Variants in GRB2 observed in about 807,000 individuals in gnomAD.
The protein encoded by GRB2 is growth factor receptor-bound protein 2.
A neutral mutation model predicts 27.4 loss-of-function variants in GRB2; 2 were observed. That is an observed-to-expected ratio of 0.07 (90% CI 0.03 to 0.23). The LOEUF is 0.23. Ranked by LOEUF, GRB2 falls within the 10% of genes least tolerant of loss-of-function variation. The probability of loss-of-function intolerance (pLI) is 1.00; values close to 1 mark genes in which losing one functional copy is unlikely to be tolerated. For missense variants in GRB2, 102 were observed against 282.4 expected, an observed-to-expected ratio of 0.36 and a Z score of 4.58; for synonymous variants, 94 against 99.6, an observed-to-expected ratio of 0.94 and a Z score of 0.33.
chr17:75,401,970 C>G (rs1338572295), intron 1 of GRB2, among the ~76,000 whole-genome samples: 1 of 152,214 alleles, frequency 6.6e-6, no homozygotes, highest in African/African-American at 2.4e-5. Flanking sequence ...GAGCTTCCAT[C>G]TGCATAGGCA....
intron 2 of GRB2, chr17:75,338,926 T>C: frequency 3.1e-6 from 3 of 982,154 alleles, no homozygotes; most frequent in Non-Finnish European, 4.9e-6. Flanking sequence ...GGATTCTCTG[T>C]ATGCCCAGGG....
intron 1 of GRB2, among the ~76,000 whole-genome samples, chr17:75,396,641 G>A (rs1364419047): frequency 6.6e-6 from 1 of 151,678 alleles, no homozygotes; most frequent in Non-Finnish European, 1.5e-5. Flanking sequence ...GCCTGCCTCG[G>A]CCTCCCAAAG....
chr17:75,348,958 G>A (rs1314414113), intron 2 of GRB2, among the ~76,000 whole-genome samples: 2 of 152,312 alleles, frequency 1.3e-5, no homozygotes, highest in South Asian at 2.1e-4. Context: ...TTTCAGGCAT[G>A]AGCCACTGCG....
chr17:75,403,096 AAG>A lies in GRB2; in HGVS notation c.-138+2391_-138+2392del, dbSNP rs1186560098. 3.3e-3 allele frequency among the ~76,000 whole-genome samples: 475 copies of A among 144,104 alleles called. 1 individual carries two copies. Among genetic ancestry groups the A allele is most frequent in the Non-Finnish European group, 5.9e-3 (388 of 66,104 alleles). 94.5% of individuals were successfully genotyped at this position (144,104 alleles called of 152,430 possible). A position where few individuals can be genotyped will look rare whatever the true frequency, so the allele number is the denominator to read the frequency against. On this transcript the variant is annotated intron_variant, in intron 1 of 5. Coordinates refer to ENST00000316804, the MANE Select transcript of GRB2 (RefSeq NM_002086.5). Reference sequence around the variant, plus strand: ...GTCTCAAAAAAAAAAAAAAAGGAAAAAGAAAATAATGCGTATTCACTTGGCAC... The same window carrying A: ...GTCTCAAAAAAAAAAAAAAAGGAAAAAAAATAATGCGTATTCACTTGGCAC...
chr17:75,400,706 G>A (rs78956556), intron 1 of GRB2, among the ~76,000 whole-genome samples: 8,156 of 149,366 alleles, frequency 0.055, 263 homozygotes, highest in Middle Eastern at 0.14. Context: ...TAAAGACGAG[G>A]TTTCACCATG....
At chr17:75,354,318 G>A (rs2078716260) in intron 2 of GRB2, among the ~76,000 whole-genome samples, 2 of 148,458 alleles carry the variant, frequency 1.3e-5, no homozygotes, top group East Asian at 3.9e-4. Flanking sequence ...GCAGTGCAAT[G>A]GTGCGATCTC....
chr17:75,327,832 CTTAG>C, intron 3 of GRB2, among the ~76,000 whole-genome samples: 1 of 152,140 alleles, frequency 6.6e-6, no homozygotes, highest in Non-Finnish European at 1.5e-5. Flanking sequence ...TCTAGGGACT[CTTAG>C]TAACTCTGAA....
intron 1 of GRB2, among the ~76,000 whole-genome samples, chr17:75,401,406 C>T (rs1459691989): frequency 7.2e-6 from 1 of 138,156 alleles, no homozygotes; most frequent in Non-Finnish European, 1.5e-5. Context: ...GATTGCGCCA[C>T]TGCAGTCCGC....
chr17:75,392,267 A>G (rs1174284882), intron 2 of GRB2, among the ~76,000 whole-genome samples: 1 of 152,218 alleles, frequency 6.6e-6, no homozygotes, highest in Non-Finnish European at 1.5e-5. Context: ...TTTAGTGTTG[A>G]CTTTGAGAAT....
chr17:75,330,367 C>A (rs1040585236), intron 3 of GRB2, among the ~76,000 whole-genome samples: 1 of 151,312 alleles, frequency 6.6e-6, no homozygotes, highest in African/African-American at 2.4e-5. Context: ...GGCGACAGAG[C>A]GAGACTCCAT....
At chr17:75,383,612 G>C (rs1329154218) in intron 2 of GRB2, among the ~76,000 whole-genome samples, 2 of 152,222 alleles carry the variant, frequency 1.3e-5, no homozygotes, top group Non-Finnish European at 2.9e-5. Context: ...GGGAGGCTGA[G>C]GCAGGCGGAT....
At chr17:75,347,260 A>ACTGAAAGC (rs1186006516) in intron 2 of GRB2, among the ~76,000 whole-genome samples, 1 of 152,072 alleles carries the variant, frequency 6.6e-6, no homozygotes, top group African/African-American at 2.4e-5. Flanking sequence ...GCCAAAGACA[A>ACTGAAAGC]CTGAAAGCCT....
chr17:75,369,814 C>T (rs1044311071), intron 2 of GRB2, among the ~76,000 whole-genome samples: 4 of 150,724 alleles, frequency 2.7e-5, no homozygotes, highest in South Asian at 2.1e-4. Context: ...GAGCCAAGAT[C>T]GTGCCACTGC....
At chr17:75,382,579 T>G (rs1049520310) in intron 2 of GRB2, among the ~76,000 whole-genome samples, 1 of 152,242 alleles carries the variant, frequency 6.6e-6, no homozygotes, top group African/African-American at 2.4e-5. Flanking sequence ...ACTCAATATG[T>G]AGTTCTTTTG....
At chr17:75,328,904 C>A (rs1280289535) in intron 3 of GRB2, among the ~76,000 whole-genome samples, 2 of 151,794 alleles carry the variant, frequency 1.3e-5, no homozygotes, top group East Asian at 3.9e-4. Flanking sequence ...CGCCACTGCA[C>A]TCTAGCCTGG....
chr17:75,377,512 C>T (rs1313568552), intron 2 of GRB2, among the ~76,000 whole-genome samples: 3 of 142,252 alleles, frequency 2.1e-5, no homozygotes, highest in Non-Finnish European at 4.5e-5. Context: ...CCCAGCTACT[C>T]GGGAGGCTGA....
chr17:75,365,732 TA>T lies in GRB2; in HGVS notation c.78+27818del, dbSNP rs1473996814. On this transcript the variant is annotated intron_variant, in intron 2 of 5. Coordinates refer to ENST00000316804, the MANE Select transcript of GRB2 (RefSeq NM_002086.5). ...AAAAACCGCCAGTACAATGAGTCAT[TA>T]AAAGATAAAATAGAAGTGGTTAGAA... is the stretch of plus-strand genomic sequence containing the variant. Among the ~76,000 whole-genome samples, 6 of 152,138 alleles carry T rather than the reference TA, an allele frequency of 3.9e-5. No homozygotes were observed. In the East Asian group the frequency reaches 1.2e-3, roughly 29 times the overall value.
At chr17:75,358,103 T>C (rs1279509492) in intron 2 of GRB2, among the ~76,000 whole-genome samples, 1 of 152,172 alleles carries the variant, frequency 6.6e-6, no homozygotes, top group Non-Finnish European at 1.5e-5. Context: ...GTAATCTAAA[T>C]GATGGTCTTT....
intron 2 of GRB2, 132 bp from the exon 3 acceptor site, chr17:75,332,929 T>C (rs899710053): frequency 1.9e-6 from 1 of 532,102 alleles, no homozygotes; most frequent in East Asian, 3.3e-5. Context: ...TATACGGATA[T>C]AAGACTCCTT....
Sources: allele counts gnomAD v4.1 joint callset (sites outside exome capture counted in the v4.1 genomes callset), GRCh38; gene constraint gnomAD v4.1.1; transcripts MANE v1.5; gene names NCBI Gene and HGNC (gene_info 2026-07-23, HGNC 2026-07-21).